Variants in TRPC7 observed in about 807,000 individuals in gnomAD.
TRPC7 encodes the protein short transient receptor potential channel 7.
Under a neutral mutation model 90.1 loss-of-function variants are expected in TRPC7, and 42 were observed. The observed-to-expected ratio is 0.47, with a 90% CI of 0.36 to 0.60. The LOEUF (loss-of-function observed/expected upper bound fraction) is 0.60, where lower values mean the gene tolerates loss of function less well. Ranked by LOEUF, TRPC7 falls within the 20% of genes least tolerant of loss-of-function variation. The pLI is 0.00. For synonymous variants in TRPC7, 451 were observed against 436.3 expected (o/e 1.03, Z -0.42); for missense variants, 955 against 1,112.3 (o/e 0.86, Z 2.01).
At chr5:136,267,034 A>C (rs1757055882) in intron 4 of TRPC7, among the ~76,000 whole-genome samples, 1 of 152,120 alleles carries the variant, frequency 6.6e-6, no homozygotes, top group South Asian at 2.1e-4. Context: ...GACATAGAGG[A>C]CTTTTTTTCT....
intron 1 of TRPC7, 58 bp from the exon 2 acceptor site, chr5:136,357,443 C>A: frequency 6.7e-7 from 1 of 1,499,458 alleles, no homozygotes; most frequent in Non-Finnish European, 8.9e-7. Flanking sequence ...AGCAGTAGAG[C>A]ACACAAAAAT....
At chr5:136,314,902 TC>T (rs1758960526) in intron 3 of TRPC7, among the ~76,000 whole-genome samples, 1 of 152,202 alleles carries the variant, frequency 6.6e-6, no homozygotes, top group Admixed American at 6.5e-5. Context: ...AAGAGCAGAT[TC>T]TAAAGCATCC....
intron 10 of TRPC7, 87 bp from the exon 11 acceptor site, chr5:136,216,362 T>G (rs555963715): frequency 9.5e-7 from 1 of 1,056,648 alleles, no homozygotes; most frequent in East Asian, 2.5e-5. Flanking sequence ...CTCCCTCCCT[T>G]GAAGAGCCTC....
chr5:136,273,867 A>T (rs1757278291), intron 4 of TRPC7, among the ~76,000 whole-genome samples: 1 of 152,092 alleles, frequency 6.6e-6, no homozygotes, highest in South Asian at 2.1e-4. Flanking sequence ...AAAAGCACTG[A>T]CTCTTCCCCG....
intron 3 of TRPC7, among the ~76,000 whole-genome samples, chr5:136,292,178 A>C (rs1486344821): frequency 6.6e-6 from 1 of 152,216 alleles, no homozygotes; most frequent in Non-Finnish European, 1.5e-5. Flanking sequence ...TAAATGCCCA[A>C]AAGACAAAGC....
chr5:136,336,139 C>G (rs1759653891), intron 2 of TRPC7, among the ~76,000 whole-genome samples: 1 of 152,106 alleles, frequency 6.6e-6, no homozygotes, highest in South Asian at 2.1e-4. Context: ...TCTTCAAGGA[C>G]CACTTTAAAA....
intron 4 of TRPC7, among the ~76,000 whole-genome samples, chr5:136,268,020 A>G (rs1757091247): frequency 6.6e-6 from 1 of 152,170 alleles, no homozygotes; most frequent in Non-Finnish European, 1.5e-5. Flanking sequence ...ACTGAAGGTG[A>G]TAGAGATAGA....
intron 2 of TRPC7, among the ~76,000 whole-genome samples, chr5:136,318,924 C>T (rs556308430): frequency 3.3e-4 from 50 of 152,166 alleles, no homozygotes; most frequent in Non-Finnish European, 6.3e-4. Context: ...GGTCTCTTGT[C>T]CTTCTTTTAT....
At chr5:136,352,469 T>C in intron 2 of TRPC7, among the ~76,000 whole-genome samples, 1 of 151,992 alleles carries the variant, frequency 6.6e-6, no homozygotes, top group East Asian at 1.9e-4. Flanking sequence ...AATTTTATCA[T>C]AAAGATGATC....
intron 2 of TRPC7, 74 bp from the exon 3 acceptor site, chr5:136,315,853 C>A: frequency 7.1e-7 from 1 of 1,405,326 alleles, no homozygotes; most frequent in South Asian, 1.3e-5. Flanking sequence ...ATAGCAGTGT[C>A]GATCAGCAAC....
chr5:136,274,613 A>G, intron 4 of TRPC7, 60 bp downstream of exon 4: 1 of 1,422,794 alleles, frequency 7.0e-7, no homozygotes. Context: ...TGGATTTCAG[A>G]TCATGCTAAG....
chr5:136,264,524 T>C (rs1756960778), intron 5 of TRPC7, among the ~76,000 whole-genome samples: 1 of 151,938 alleles, frequency 6.6e-6, no homozygotes, highest in Non-Finnish European at 1.5e-5. Flanking sequence ...AACTTTAATG[T>C]CCCTTCCCAA....
At position 136,274,921 on chromosome 5, in the gene TRPC7, T is replaced by C. The variant is rs1729555842; in HGVS notation, c.964-84A>G. The C allele has an allele frequency of 4.3e-6, 6 of 1,407,084 alleles. No individual in the cohort carries two copies. The South Asian group carries it at 5.8e-5, about 14-fold the overall frequency. The allele number at this position is 1,407,084 out of a possible 1,614,324, so 87.2% of individuals were successfully genotyped here. A position where few individuals can be genotyped will look rare whatever the true frequency, so the allele number is the denominator to read the frequency against. ...ACTTGAACAGTATACAACCTAGGAG[T>C]AGCTGGGGGCTGAAATGCTCCACCT... is the stretch of plus-strand genomic sequence containing the variant. On this transcript the variant is annotated intron_variant, in intron 3 of 11. Coordinates refer to ENST00000513104, the MANE Select transcript of TRPC7 (RefSeq NM_020389.3).
At chr5:136,263,646 T>A (rs1373136006) in intron 5 of TRPC7, among the ~76,000 whole-genome samples, 1 of 151,990 alleles carries the variant, frequency 6.6e-6, no homozygotes, top group African/African-American at 2.4e-5. Context: ...AAGAATTGAA[T>A]AATATAATAT....
intron 2 of TRPC7, among the ~76,000 whole-genome samples, chr5:136,327,335 T>C (rs538868456): frequency 6.6e-6 from 1 of 152,296 alleles, no homozygotes; most frequent in South Asian, 2.1e-4. Flanking sequence ...TTTCTTGGAA[T>C]TGGCAAGAAA....
At chr5:136,317,640 G>A (rs990790084) in intron 2 of TRPC7, among the ~76,000 whole-genome samples, 5 of 152,100 alleles carry the variant, frequency 3.3e-5, no homozygotes, top group African/African-American at 7.2e-5. Flanking sequence ...CCCCAACCCC[G>A]TAACTTTATT....
At chr5:136,350,348 A>G (rs113011543) in intron 2 of TRPC7, among the ~76,000 whole-genome samples, 6 of 152,176 alleles carry the variant, frequency 3.9e-5, no homozygotes, top group African/African-American at 1.2e-4. Context: ...GGTGCCCTCC[A>G]GGGCCTGCCC....
chr5:136,359,215 G>C (rs1046215573), intron 1 of TRPC7, among the ~76,000 whole-genome samples: 1 of 152,160 alleles, frequency 6.6e-6, no homozygotes, highest in African/African-American at 2.4e-5. Flanking sequence ...CGTATGTCTG[G>C]TATAAAGCAA....
chr5:136,243,521 T>C (rs1458927463), intron 7 of TRPC7, among the ~76,000 whole-genome samples: 1 of 152,022 alleles, frequency 6.6e-6, no homozygotes, highest in Non-Finnish European at 1.5e-5. Context: ...AAGGGAAGAT[T>C]ATGAGCTGGG....
Sources: gnomAD v4.1 joint callset for allele counts (sites outside exome capture counted in the v4.1 genomes callset) on GRCh38, gnomAD v4.1.1 for gene constraint, MANE v1.5 for transcripts, NCBI Gene and HGNC (gene_info 2026-07-23, HGNC 2026-07-21) for gene names.